Variants in LHFPL3 observed in about 807,000 individuals in gnomAD.
LHFPL3 encodes LHFPL tetraspan subfamily member 3.
Under a neutral mutation model 19.3 loss-of-function variants are expected in LHFPL3, and 5 were observed. The ratio of observed to expected loss-of-function variants is 0.26; its 90% CI spans 0.14 to 0.54. LHFPL3 has a LOEUF of 0.54. Among genes scored for constraint, LHFPL3 ranks in the 20% least tolerant of loss-of-function variants. The probability of loss-of-function intolerance (pLI) is 0.94; values close to 1 mark genes in which losing one functional copy is unlikely to be tolerated. For synonymous variants in LHFPL3, 133 were observed against 126.2 expected (o/e 1.05, Z -0.36); for missense variants, 249 against 307.4 (o/e 0.81, Z 1.42).
intron 1 of LHFPL3, among the ~76,000 whole-genome samples, chr7:104,586,965 A>G (rs1320152633): frequency 6.6e-6 from 1 of 152,144 alleles, no homozygotes; most frequent in Non-Finnish European, 1.5e-5. Context: ...TCCATTTCAG[A>G]GGCATAAGAC....
At chr7:104,573,928 G>T (rs1205063427) in intron 1 of LHFPL3, among the ~76,000 whole-genome samples, 1 of 152,150 alleles carries the variant, frequency 6.6e-6, no homozygotes, top group African/African-American at 2.4e-5. Flanking sequence ...TGTCAGTGAG[G>T]ATGACATTCG....
rs573266693 is a variant in LHFPL3 at position 104,373,624 on chromosome 7, A to C, written c.445+44400A>C. On this transcript the variant is annotated intron_variant, in intron 1 of 2. Coordinates refer to ENST00000424859, the MANE Select transcript of LHFPL3 (RefSeq NM_199000.3). ...TATACATTTTAGGAAGCCGTGAGAC[A>C]ACAGTCAAATACATTTAAGAAATAC... 2.0e-5 allele frequency among the ~76,000 whole-genome samples: 3 copies of C among 152,188 alleles called. No individual in the cohort carries two copies. The South Asian group carries it at 6.2e-4, about 32-fold the overall frequency.
chr7:104,338,093 CTTTTTT>C (rs71296520), intron 1 of LHFPL3, among the ~76,000 whole-genome samples: 112 of 85,852 alleles, frequency 1.3e-3, no homozygotes, highest in South Asian at 2.4e-3. Context: ...TTTCCTTTTT[CTTTTTT>C]TTTTTTTTTT....
At chr7:104,777,357 G>A (rs1318857757) in intron 2 of LHFPL3, among the ~76,000 whole-genome samples, 2 of 152,158 alleles carry the variant, frequency 1.3e-5, no homozygotes, top group African/African-American at 4.8e-5. Context: ...TAGAAAACAG[G>A]GTTCAAGAAG....
At chr7:104,743,116 A>G (rs1793968346) in intron 2 of LHFPL3, among the ~76,000 whole-genome samples, 1 of 151,840 alleles carries the variant, frequency 6.6e-6, no homozygotes. Context: ...GAGAGACTCC[A>G]TCTCAAAAAA....
intron 1 of LHFPL3, among the ~76,000 whole-genome samples, chr7:104,505,028 C>G (rs1793670038): frequency 6.6e-6 from 1 of 152,062 alleles, no homozygotes; most frequent in South Asian, 2.1e-4. Context: ...ACTGTGTATA[C>G]ACATATACTG....
intron 2 of LHFPL3, chr7:104,739,122 T>C (rs1183976612): frequency 2.6e-5 from 4 of 152,164 alleles, no homozygotes; most frequent in African/African-American, 9.7e-5. Flanking sequence ...AACAGCTCTA[T>C]TGTAGGGAAT....
chr7:104,498,980 G>C (rs1793545399), intron 1 of LHFPL3, among the ~76,000 whole-genome samples: 1 of 151,858 alleles, frequency 6.6e-6, no homozygotes, highest in Non-Finnish European at 1.5e-5. Flanking sequence ...TTTTTTCCAT[G>C]AGGACAGTGG....
chr7:104,879,739 G>C (rs1331842275), intron 2 of LHFPL3, among the ~76,000 whole-genome samples: 1 of 152,220 alleles, frequency 6.6e-6, no homozygotes, highest in Non-Finnish European at 1.5e-5. Flanking sequence ...AGCAGCAAAT[G>C]CTGATGGAGA....
At chr7:104,657,627 T>G (rs1270169083) in intron 1 of LHFPL3, among the ~76,000 whole-genome samples, 1 of 152,190 alleles carries the variant, frequency 6.6e-6, no homozygotes, top group African/African-American at 2.4e-5. Flanking sequence ...TATGTGAAGG[T>G]GCCTGGATGT....
At position 104,429,874 on chromosome 7, in the gene LHFPL3, TATGTGGAC is replaced by T. The variant is rs1053429769; in HGVS notation, c.445+100665_445+100672del. ...AGCCAAGAAAAAAAAAGGAGAGTGA[TATGTGGAC>T]ATGTGGACATGTGGTTTAGGAAAAG... is the stretch of plus-strand genomic sequence containing the variant. On this transcript the variant is annotated intron_variant, in intron 1 of 2. Coordinates refer to ENST00000424859, the MANE Select transcript of LHFPL3 (RefSeq NM_199000.3). 1.5e-3 allele frequency among the ~76,000 whole-genome samples: 221 copies of T among 152,142 alleles called. 1 individual carries two copies. The Middle Eastern group carries it at 0.031, about 21-fold the overall frequency.
intron 1 of LHFPL3, among the ~76,000 whole-genome samples, chr7:104,720,357 A>T (rs539203903): frequency 2.0e-5 from 3 of 152,204 alleles, no homozygotes; most frequent in Admixed American, 1.3e-4. Flanking sequence ...GCTGAAACTG[A>T]ATCCCTTCCT....
rs4428605 is a variant in LHFPL3 at position 104,616,839 on chromosome 7, G to A, written c.446-119836G>A. 4.0e-3 allele frequency among the ~76,000 whole-genome samples: 616 copies of A among 152,164 alleles called. 35 individuals carry two copies. In the East Asian group the frequency reaches 0.099, roughly 25 times the overall value. Reference sequence around the variant, plus strand: ...ACAATCCCATCAAAAAGTGGGTGAAGGATATGAACAGACACTTCTCAAAAG... The same window carrying A: ...ACAATCCCATCAAAAAGTGGGTGAAAGATATGAACAGACACTTCTCAAAAG... On this transcript the variant is annotated intron_variant, in intron 1 of 2. Coordinates refer to ENST00000424859, the MANE Select transcript of LHFPL3 (RefSeq NM_199000.3).
intron 1 of LHFPL3, among the ~76,000 whole-genome samples, chr7:104,584,424 A>T (rs200328488): frequency 1.3e-5 from 2 of 151,868 alleles, no homozygotes; most frequent in Non-Finnish European, 2.9e-5. Context: ...AAACCTGCAC[A>T]TTGTGCACAT....
In LHFPL3 at chr7:104,599,586, T is replaced by C. The variant is rs561006192; in HGVS notation, c.446-137089T>C. Among the ~76,000 whole-genome samples, 8 of 152,340 alleles carry C rather than the reference T, an allele frequency of 5.3e-5. No homozygotes were observed. The East Asian group carries it at 1.3e-3, about 26-fold the overall frequency. On this transcript the variant is annotated intron_variant, in intron 1 of 2. Coordinates refer to ENST00000424859, the MANE Select transcript of LHFPL3 (RefSeq NM_199000.3). ...GAATTAGCATTTTCTGAGCACCTTT[T>C]ATATTGCCAGGGATACACATAGCAC...
chr7:104,554,710 G>A (rs557121464), intron 1 of LHFPL3, among the ~76,000 whole-genome samples: 120 of 152,118 alleles, frequency 7.9e-4, no homozygotes, highest in Non-Finnish European at 1.4e-3. Context: ...TGATGAGAGG[G>A]GATTTATTAT....
intron 1 of LHFPL3, among the ~76,000 whole-genome samples, chr7:104,363,431 G>T (rs1163605217): frequency 6.6e-6 from 1 of 152,250 alleles, no homozygotes; most frequent in Non-Finnish European, 1.5e-5. Context: ...CAGTAACGGA[G>T]AATTCCTCAA....
chr7:104,549,344 T>A (rs1304462535), intron 1 of LHFPL3, among the ~76,000 whole-genome samples: 1 of 151,932 alleles, frequency 6.6e-6, no homozygotes, highest in Non-Finnish European at 1.5e-5. Context: ...TGGTAAATAT[T>A]ATTGATTAGG....
At chr7:104,607,924 A>C (rs1442589926) in intron 1 of LHFPL3, among the ~76,000 whole-genome samples, 2 of 152,262 alleles carry the variant, frequency 1.3e-5, no homozygotes, top group Non-Finnish European at 2.9e-5. Flanking sequence ...CATCAGAGAA[A>C]TGCAAATCAA....
Sources: allele counts gnomAD v4.1 joint callset (sites outside exome capture counted in the v4.1 genomes callset), GRCh38; gene constraint gnomAD v4.1.1; transcripts MANE v1.5; gene names NCBI Gene and HGNC (gene_info 2026-07-23, HGNC 2026-07-21).